Variants in SPON1 observed in about 807,000 individuals in gnomAD.
SPON1 encodes the protein spondin-1.
Under a neutral mutation model 111.7 loss-of-function variants are expected in SPON1, and 52 were observed. The ratio of observed to expected loss-of-function variants is 0.47; its 90% CI spans 0.37 to 0.59. SPON1 has a LOEUF of 0.59. Ranked by LOEUF, SPON1 falls within the 20% of genes least tolerant of loss-of-function variation. The probability of loss-of-function intolerance (pLI) is 0.00; values close to 1 mark genes in which losing one functional copy is unlikely to be tolerated. For synonymous variants in SPON1, 410 were observed against 395.8 expected (o/e 1.04, Z -0.43); for missense variants, 957 against 1,068.5 (o/e 0.90, Z 1.46).
At chr11:14,159,010 T>C (rs1847881105) in intron 6 of SPON1, among the ~76,000 whole-genome samples, 1 of 152,126 alleles carries the variant, frequency 6.6e-6, no homozygotes, top group Non-Finnish European at 1.5e-5. Flanking sequence ...CTATTCTTAA[T>C]TTATATTGGG....
intron 5 of SPON1, among the ~76,000 whole-genome samples, chr11:14,096,937 A>G (rs1472056645): frequency 1.3e-5 from 2 of 152,236 alleles, no homozygotes; most frequent in African/African-American, 4.8e-5. Flanking sequence ...AGTTATTACT[A>G]TAGAATTTTA....
chr11:14,125,287 A>G (rs1847442182), intron 5 of SPON1, among the ~76,000 whole-genome samples: 1 of 152,218 alleles, frequency 6.6e-6, no homozygotes, highest in African/African-American at 2.4e-5. Flanking sequence ...TTTTATGAAT[A>G]CAACTGGCAG....
At chr11:14,005,563 G>C (rs1360108473) in intron 2 of SPON1, among the ~76,000 whole-genome samples, 2 of 152,164 alleles carry the variant, frequency 1.3e-5, no homozygotes, top group African/African-American at 4.8e-5. Flanking sequence ...AATTAAGCCT[G>C]GGGCTTTTCA....
At chr11:14,122,092 T>C (rs1313081684) in intron 5 of SPON1, among the ~76,000 whole-genome samples, 1 of 152,116 alleles carries the variant, frequency 6.6e-6, no homozygotes, top group African/African-American at 2.4e-5. Flanking sequence ...CTGTTTGGGG[T>C]TTGTTGATCT....
intron 3 of SPON1, among the ~76,000 whole-genome samples, chr11:14,074,620 C>T (rs1848902772): frequency 6.6e-6 from 1 of 152,188 alleles, no homozygotes; most frequent in African/African-American, 2.4e-5. Context: ...CTCTGGGTTT[C>T]AGTATCCAAC....
chr11:13,979,561 G>A, intron 1 of SPON1, among the ~76,000 whole-genome samples: 1 of 152,110 alleles, frequency 6.6e-6, no homozygotes, highest in East Asian at 1.9e-4. Context: ...TGTGATCCCA[G>A]GCATGGTCCC....
chr11:13,985,370 G>A (rs1848174346), intron 2 of SPON1, among the ~76,000 whole-genome samples: 1 of 152,140 alleles, frequency 6.6e-6, no homozygotes, highest in South Asian at 2.1e-4. Flanking sequence ...TGTTCTGAGT[G>A]GTTTATATTT....
intron 5 of SPON1, among the ~76,000 whole-genome samples, chr11:14,121,286 G>A (rs1554926481): frequency 6.6e-6 from 1 of 152,132 alleles, no homozygotes; most frequent in African/African-American, 2.4e-5. Context: ...CATTAAAAGG[G>A]GTGAATATTA....
At chr11:14,224,784 C>A in intron 6 of SPON1, 1 of 491,250 alleles carries the variant, frequency 2.0e-6, no homozygotes, top group Non-Finnish European at 4.1e-6. Context: ...TAGGTGGGGC[C>A]AAAGGGTGAG....
chr11:14,260,822 G>C, intron 14 of SPON1, 70 bp downstream of exon 14: 1 of 1,488,416 alleles, frequency 6.7e-7, no homozygotes, highest in South Asian at 1.3e-5. Context: ...GAACCAGCCA[G>C]TGCTAATACT....
chr11:14,108,425 C>T (rs1274566938), intron 5 of SPON1, among the ~76,000 whole-genome samples: 1 of 152,156 alleles, frequency 6.6e-6, no homozygotes, highest in African/African-American at 2.4e-5. Context: ...CTTCCATCAC[C>T]TGATGAGAGT....
At position 14,246,978 on chromosome 11, in the gene SPON1, T is replaced by C. The variant is rs367871707; in HGVS notation, c.890+3582T>C. 3.0e-4 allele frequency among the ~76,000 whole-genome samples: 45 copies of C among 152,280 alleles called. 2 individuals carry two copies. Among genetic ancestry groups the C allele is most frequent in the East Asian group, 1.7e-3 (9 of 5,190 alleles). ...GACCATCATGTATCTGCAAAGGCCC[T>C]GTATGAGGAGGGAGTAGAGTATGTC... On this transcript the variant is annotated intron_variant, in intron 7 of 15. Coordinates refer to ENST00000576479, the MANE Select transcript of SPON1 (RefSeq NM_006108.4).
chr11:14,063,780 A>G (rs1554920116), intron 3 of SPON1, among the ~76,000 whole-genome samples: 2 of 152,240 alleles, frequency 1.3e-5, no homozygotes, highest in African/African-American at 2.4e-5. Flanking sequence ...ACATACCATC[A>G]TCCTGCTGAT....
chr11:14,164,102 AG>A (rs1232035482), intron 6 of SPON1, among the ~76,000 whole-genome samples: 3 of 152,248 alleles, frequency 2.0e-5, no homozygotes, highest in Admixed American at 1.3e-4. Flanking sequence ...AATCAGGTTG[AG>A]TGGCCAAGGC....
chr11:14,260,912 C>T (rs1478448443), intron 14 of SPON1, among the ~76,000 whole-genome samples, 160 bp downstream of exon 14: 1 of 152,148 alleles, frequency 6.6e-6, no homozygotes, highest in Non-Finnish European at 1.5e-5. Context: ...TTAAACACTG[C>T]AGTCAGTTTC....
intron 6 of SPON1, among the ~76,000 whole-genome samples, chr11:14,142,145 G>C (rs1847663860): frequency 6.6e-6 from 1 of 152,222 alleles, no homozygotes; most frequent in Non-Finnish European, 1.5e-5. Flanking sequence ...TGAGGACTAA[G>C]TGAGCTGATA....
chr11:13,964,108 C>G (rs1219457568), intron 1 of SPON1, among the ~76,000 whole-genome samples: 3 of 152,204 alleles, frequency 2.0e-5, no homozygotes, highest in African/African-American at 7.2e-5. Flanking sequence ...TCTGTCCCCA[C>G]GCCCGCCACC....
chr11:14,048,944 A>G (rs1332910605), intron 3 of SPON1, among the ~76,000 whole-genome samples: 1 of 152,176 alleles, frequency 6.6e-6, no homozygotes, highest in Non-Finnish European at 1.5e-5. Flanking sequence ...CCATTAGGAA[A>G]TTCATTCTTA....
chr11:14,262,433 G>A (rs1202609861), intron 14 of SPON1: 1 of 500,536 alleles, frequency 2.0e-6, no homozygotes, highest in East Asian at 3.7e-5. Context: ...AGGGCAAGAG[G>A]CTCTGAACAC....
Sources: gnomAD v4.1 joint callset for allele counts (sites outside exome capture counted in the v4.1 genomes callset) on GRCh38, gnomAD v4.1.1 for gene constraint, MANE v1.5 for transcripts, NCBI Gene and HGNC (gene_info 2026-07-23, HGNC 2026-07-21) for gene names.